ACIN1: variants seen among roughly 807,000 people sequenced by gnomAD.
ACIN1 encodes the protein apoptotic chromatin condensation inducer 1, also known as apoptotic chromatin condensation inducer in the nucleus.
ACIN1 carries 16 observed loss-of-function variants against 146.6 expected under a neutral mutation model. The observed-to-expected ratio is 0.11, with a 90% CI of 0.07 to 0.17. The LOEUF (loss-of-function observed/expected upper bound fraction) is 0.17. ACIN1 is among the 10% of genes least tolerant of loss of function. The pLI is 1.00. For synonymous variants in ACIN1, 569 were observed against 582.7 expected, an observed-to-expected ratio of 0.98 and a Z score of 0.34; for missense variants, 1,357 against 1,609.3, an observed-to-expected ratio of 0.84 and a Z score of 2.68.
rs2139991165 is a variant in ACIN1 at position 23,061,304 on chromosome 14, T to C, written c.3418A>G (p.Lys1140Glu). 2 of 1,613,814 alleles carry C rather than the reference T, an allele frequency of 1.2e-6. No homozygotes were observed. Among genetic ancestry groups the C allele is most frequent in the Non-Finnish European group, 1.7e-6 (2 of 1,179,766 alleles). Residue 1140 changes from lysine to glutamate, a missense_variant, in exon 17 of 19, where the codon AAG (lysine) becomes GAG (glutamate). Coordinates refer to ENST00000605057, the MANE Select transcript of ACIN1 (RefSeq NM_001386863.1). ...CCCATAGCTAAGTACCTACCTTTCT[T>C]CTCACTCTTCTTTTCTTTAGACTTC... is the stretch of plus-strand genomic sequence containing the variant. ...RAKSKEKKSEKKEKAQEEPPA... is the reference protein window; with the variant it reads ...RAKSKEKKSEEKEKAQEEPPA...
At chr14:23,071,710 T>C (rs1270120243) in intron 8 of ACIN1, 2 of 726,358 alleles carry the variant, frequency 2.8e-6, no homozygotes, top group Non-Finnish European at 4.3e-6. Context: ...GGCCTGGCCT[T>C]CTTTTCTCAA....
chr14:23,093,669 T>C, intron 1 of ACIN1, 125 bp from the exon 2 acceptor site: 3 of 774,676 alleles, frequency 3.9e-6, no homozygotes, highest in Non-Finnish European at 6.3e-6. Flanking sequence ...CTGTATTCCT[T>C]TTCCAGGGAC....
At position 23,094,572 on chromosome 14, in the gene ACIN1, T is replaced by C. The variant is rs137873542; in HGVS notation, c.138+403A>G. 1.3e-3 allele frequency: 1,306 copies of C among 981,148 alleles called. 14 individuals are homozygous for C. In the African/African-American group the frequency reaches 0.021, roughly 16 times the overall value. The allele number at this position is 981,148 out of a possible 1,614,324, so 60.8% of individuals were successfully genotyped here. ...TACCGATACCAACCCCATCCACCCC[T>C]TCGCGCAACTATACCCCTAACTCCG... On this transcript the variant is annotated intron_variant, in intron 1 of 18. Coordinates refer to ENST00000605057, the MANE Select transcript of ACIN1 (RefSeq NM_001386863.1).
At chr14:23,061,952 A>C (rs889032258) in intron 16 of ACIN1, among the ~76,000 whole-genome samples, 13 of 137,090 alleles carry the variant, frequency 9.5e-5, no homozygotes, top group East Asian at 9.1e-4. Flanking sequence ...CCAGCCTGGG[A>C]GACAGCGAGA....
rs115842044 is a variant in ACIN1, at chr14:23,079,718, G to A, written c.1617C>T (p.Asp539=). The A allele has an allele frequency of 5.9e-3, 9,563 of 1,614,154 alleles. 41 individuals carry two copies. The highest frequency in any genetic ancestry group is 6.8e-3 in the Non-Finnish European group (8,045 of 1,180,034). The part of the protein sequence containing the change: ...SSSRSRSRSP[D]SSGSRSHSPL... The stretch of plus-strand genomic sequence containing the variant: ...GTGAATGAGACCGAGAACCTGAACT[G>A]TCAGGAGAGCGAGATCTTGATCTAG... The change falls in exon 6 of 19, where the codon GAC becomes GAT. Residue 539 remains aspartate, a synonymous_variant. Coordinates refer to ENST00000605057, the MANE Select transcript of ACIN1 (RefSeq NM_001386863.1).
chr14:23,061,312 T>G lies in ACIN1; in HGVS notation c.3410A>C (p.Lys1137Thr). 1 of 1,614,034 alleles carries G rather than the reference T, an allele frequency of 6.2e-7. No homozygotes were observed. The highest frequency in any genetic ancestry group is 8.5e-7 in the Non-Finnish European group (1 of 1,179,922). Reference sequence around the variant, plus strand: ...TAAGTACCTACCTTTCTTCTCACTCTTCTTTTCTTTAGACTTCGCACGTTC... The same window carrying G: ...TAAGTACCTACCTTTCTTCTCACTCGTCTTTTCTTTAGACTTCGCACGTTC... ...RKERAKSKEKKSEKKEKAQEE... is the reference protein window; with the variant it reads ...RKERAKSKEKTSEKKEKAQEE... The change falls in exon 17 of 19, where the codon AAG becomes ACG. Residue 1137 changes from lysine to threonine, a missense_variant. Lys to Thr is a moderately conservative substitution (Grantham distance 78). This residue lies in a region of ACIN1 where 509 missense variants were observed against 719.6 expected (regional missense o/e 0.71). Transcript: ENST00000605057.
At chr14:23,079,262 C>T (rs1194920875) in intron 6 of ACIN1, among the ~76,000 whole-genome samples, 4 of 152,062 alleles carry the variant, frequency 2.6e-5, no homozygotes, top group South Asian at 2.1e-4. Context: ...GGGACACACA[C>T]GTAAAAGGGC....
chr14:23,080,880 T>C (rs2047926875), intron 5 of ACIN1, 71 bp from the exon 6 acceptor site: 2 of 1,523,000 alleles, frequency 1.3e-6, no homozygotes, highest in Non-Finnish European at 8.8e-7. Flanking sequence ...AAGTATCTAA[T>C]GAAGACACCC....
chr14:23,062,365 C>A, intron 15 of ACIN1, 51 bp downstream of exon 15: 1 of 1,608,484 alleles, frequency 6.2e-7, no homozygotes, highest in South Asian at 1.1e-5. Context: ...CCACACTGGT[C>A]ACAAAAGGAA....
chr14:23,060,758 G>A (rs1241942329), intron 18 of ACIN1, among the ~76,000 whole-genome samples: 7 of 151,916 alleles, frequency 4.6e-5, no homozygotes, highest in Non-Finnish European at 7.4e-5. Context: ...TGATCCACCC[G>A]ACTCGGCCTC....
In ACIN1 at chr14:23,079,814, G is replaced by C; in HGVS notation, c.1521C>G (p.Leu507=). 1 of 1,614,186 alleles carries C rather than the reference G, an allele frequency of 6.2e-7. No individual in the cohort carries two copies. The highest frequency in any genetic ancestry group is 1.3e-5 in the African/African-American group (1 of 75,028). Residue 507 remains leucine, a synonymous_variant, in exon 6 of 19, where the codon CTC becomes CTG. Transcript: ENST00000605057. ...CTGACTGTTTCAATCTGTGGCTTGGGAGAAGGGTATGAGAAGCTCTTCTGC... is the reference window on the plus strand; with the variant it reads ...CTGACTGTTTCAATCTGTGGCTTGGCAGAAGGGTATGAGAAGCTCTTCTGC... ...KEGRRASHTL[L]PSHRLKQSAD...
At position 23,062,304 on chromosome 14, in the gene ACIN1, TCA is replaced by T. The variant is rs1459410205; in HGVS notation, c.2992-31_2992-30del. 4 of 1,605,234 alleles carry T rather than the reference TCA, an allele frequency of 2.5e-6. No homozygotes were observed. The African/African-American group carries it at 4.0e-5, about 16-fold the overall frequency. ...GTGGAGGAAGGGAGAAGATGGAGGG[TCA>T]CAGTGTGTCTGCAACCCTTCCCACG... On this transcript the variant is annotated intron_variant, in intron 15 of 18. Coordinates refer to ENST00000605057, the MANE Select transcript of ACIN1 (RefSeq NM_001386863.1).
chr14:23,089,879 C>G, intron 4 of ACIN1, 103 bp downstream of exon 4: 1 of 1,356,576 alleles, frequency 7.4e-7, no homozygotes, highest in Admixed American at 2.9e-5. Context: ...CAGAATTTCC[C>G]TGGGACTTTC....
intron 8 of ACIN1, chr14:23,071,233 A>G: frequency 6.6e-7 from 1 of 1,517,596 alleles, no homozygotes; most frequent in Non-Finnish European, 8.8e-7. Context: ...AATCCTAAAA[A>G]AAATAAAGAA....
intron 8 of ACIN1, among the ~76,000 whole-genome samples, chr14:23,077,284 T>C (rs2047827061): frequency 6.6e-6 from 1 of 152,206 alleles, no homozygotes; most frequent in Non-Finnish European, 1.5e-5. Flanking sequence ...AGTGTTAATA[T>C]GGCATAAAAA....
intron 8 of ACIN1, chr14:23,071,378 G>T: frequency 1.3e-6 from 2 of 1,540,444 alleles, no homozygotes; most frequent in Non-Finnish European, 1.8e-6. Flanking sequence ...GGTGGTGCGG[G>T]GAGGCTAAAA....
rs1485694460 is a variant in ACIN1, at chr14:23,094,969, C to A, written c.138+6G>T. The A allele has an allele frequency of 6.3e-7, 1 of 1,591,686 alleles. No individual in the cohort carries two copies. The highest frequency in any genetic ancestry group is 1.3e-5 in the African/African-American group (1 of 74,794). On this transcript the variant is annotated splice_donor_region_variant and intron_variant, in intron 1 of 18. Coordinates refer to ENST00000605057, the MANE Select transcript of ACIN1 (RefSeq NM_001386863.1). ...CTCCGACACCCCAGCAACGCCGACT[C>A]CTCACCCCTTTGAGCCGCTTGACCA...
intron 4 of ACIN1, among the ~76,000 whole-genome samples, chr14:23,084,975 A>G (rs999424154): frequency 2.0e-5 from 3 of 152,202 alleles, no homozygotes; most frequent in Non-Finnish European, 2.9e-5. Context: ...CTTCACAAGT[A>G]TCAGTGAAAG....
chr14:23,075,191 G>A (rs1045565574), intron 8 of ACIN1, among the ~76,000 whole-genome samples: 6 of 152,204 alleles, frequency 3.9e-5, no homozygotes, highest in African/African-American at 1.4e-4. Context: ...TGTACCAAGA[G>A]CCTAAAACTG....
Sources: allele counts gnomAD v4.1 joint callset (sites outside exome capture counted in the v4.1 genomes callset), GRCh38; gene constraint gnomAD v4.1.1; regional missense constraint gnomAD v4.1.1; transcripts MANE v1.5; gene names NCBI Gene and HGNC (gene_info 2026-07-23, HGNC 2026-07-21).